USP34: variants seen among roughly 807,000 people sequenced by gnomAD.
USP34 encodes ubiquitin specific peptidase 34.
In USP34, 70 loss-of-function variants were observed where a neutral mutation model predicts 460.3. The observed-to-expected ratio is 0.15, with a 90% CI of 0.13 to 0.19. USP34 has a LOEUF of 0.19. Among genes scored for constraint, USP34 ranks in the 10% least tolerant of loss-of-function variants. USP34 has a pLI of 1.00. For synonymous variants in USP34, 1,647 were observed against 1,405.3 expected (o/e 1.17, Z -3.85); for missense variants, 3,985 against 4,236.2 (o/e 0.94, Z 1.65).
At chr2:61,301,909 A>G (rs989960522) in intron 27 of USP34, among the ~76,000 whole-genome samples, 1 of 151,976 alleles carries the variant, frequency 6.6e-6, no homozygotes, top group African/African-American at 2.4e-5. Context: ...TTAACACCTC[A>G]TATTTGTTAT....
chr2:61,206,466 CTGGAGAATCTTTACAAAGTGCCCAGCTT>C (rs1353496228), intron 71 of USP34, among the ~76,000 whole-genome samples: 3 of 152,170 alleles, frequency 2.0e-5, no homozygotes, highest in Non-Finnish European at 4.4e-5. Context: ...AAGTTTCCAG[CTGGAGAATCTTTACAAAGTGCCCAGCTT>C]GTTACTGTGT....
Position 61,358,154 on chromosome 2 carries a change from G to A in USP34, c.1252-7461C>T, listed in dbSNP as rs548322057. ...CTGCAGTGAACCAAGATTGCACCAC[G>A]GCACTCCAGCCTGGGCAAGACAGAG... On this transcript the variant is annotated intron_variant, in intron 10 of 79. Transcript: ENST00000398571. Among the ~76,000 whole-genome samples, 41 of 151,534 alleles carry A rather than the reference G, an allele frequency of 2.7e-4. 1 individual carries two copies. The highest frequency in any genetic ancestry group is 1.8e-3 in the Admixed American group (27 of 15,184).
intron 10 of USP34, among the ~76,000 whole-genome samples, chr2:61,353,502 A>G (rs1453124435): frequency 6.7e-6 from 1 of 149,840 alleles, no homozygotes; most frequent in Non-Finnish European, 1.5e-5. Flanking sequence ...AGTGATTCTC[A>G]TGCCTCAGCC....
intron 5 of USP34, among the ~76,000 whole-genome samples, chr2:61,394,134 A>G (rs1452090038): frequency 6.6e-6 from 1 of 152,144 alleles, no homozygotes; most frequent in African/African-American, 2.4e-5. Flanking sequence ...AAAATAAATA[A>G]AAGTATCTTT....
At chr2:61,421,633 C>G (rs1487438217) in intron 1 of USP34, among the ~76,000 whole-genome samples, 2 of 152,170 alleles carry the variant, frequency 1.3e-5, no homozygotes, top group Non-Finnish European at 2.9e-5. Context: ...CTAGTGTCTT[C>G]TCTTTAATCC....
chr2:61,280,687 A>G (rs902871879), intron 38 of USP34, among the ~76,000 whole-genome samples: 1 of 152,198 alleles, frequency 6.6e-6, no homozygotes, highest in Non-Finnish European at 1.5e-5. Context: ...GAAGCCTTTT[A>G]AAGACTAGTA....
chr2:61,206,581 G>A (rs1013022977), intron 71 of USP34, among the ~76,000 whole-genome samples, 179 bp downstream of exon 71: 1 of 152,144 alleles, frequency 6.6e-6, no homozygotes, highest in Non-Finnish European at 1.5e-5. Flanking sequence ...ACATAAAAGA[G>A]CCTTCCAGCT....
intron 1 of USP34, among the ~76,000 whole-genome samples, chr2:61,454,312 T>C (rs759158207): frequency 1.2e-4 from 18 of 152,056 alleles, no homozygotes; most frequent in African/African-American, 3.1e-4. Context: ...TTAGTAGAGA[T>C]AGGGTTTTAC....
At chr2:61,434,857 A>G (rs1409333284) in intron 1 of USP34, among the ~76,000 whole-genome samples, 4 of 152,164 alleles carry the variant, frequency 2.6e-5, no homozygotes, top group African/African-American at 9.7e-5. Flanking sequence ...AAACAGTATA[A>G]TTCTCCTGTA....
rs1049656961 is a variant in USP34 at position 61,251,964 on chromosome 2, T to G, written c.6222-3281A>C. On this transcript the variant is annotated intron_variant, in intron 48 of 79. Coordinates refer to ENST00000398571, the MANE Select transcript of USP34 (RefSeq NM_014709.4). ...GTTGTTAAATAAACATTTTAATTTG[T>G]TTAAAAAAAAAAAACAGCAAACACA... is the stretch of plus-strand genomic sequence containing the variant. Among the ~76,000 whole-genome samples the G allele has an allele frequency of 3.3e-5, 5 of 151,608 alleles. No homozygotes were observed. The East Asian group carries it at 9.7e-4, about 29-fold the overall frequency.
chr2:61,257,386 T>TA, intron 44 of USP34, 36 bp from the exon 45 acceptor site: 1 of 1,516,402 alleles, frequency 6.6e-7, no homozygotes, highest in Non-Finnish European at 8.8e-7. Flanking sequence ...AAGTGTCAGA[T>TA]AAAAATAAGA....
chr2:61,315,045 C>A, intron 23 of USP34, 71 bp from the exon 24 acceptor site: 3 of 1,181,814 alleles, frequency 2.5e-6, no homozygotes, highest in South Asian at 1.5e-5. Context: ...ACTGAAGTAT[C>A]AAAAGTAAAA....
At chr2:61,241,009 T>G (rs1688240867) in intron 53 of USP34, among the ~76,000 whole-genome samples, 1 of 152,098 alleles carries the variant, frequency 6.6e-6, no homozygotes, top group Non-Finnish European at 1.5e-5. Flanking sequence ...ACCTCACAAA[T>G]TGTTAAGTCA....
chr2:61,462,861 CAAA>C (rs11302669), intron 1 of USP34, among the ~76,000 whole-genome samples: 14 of 110,042 alleles, frequency 1.3e-4, no homozygotes, highest in Non-Finnish European at 1.1e-4. Context: ...AACTGTTTCC[CAAA>C]AAAAAAAAAA....
chr2:61,228,323 G>A (rs539523396), intron 61 of USP34, among the ~76,000 whole-genome samples: 10 of 152,078 alleles, frequency 6.6e-5, no homozygotes, highest in Non-Finnish European at 1.0e-4. Context: ...TAATAGCAAA[G>A]AACTTAAAAA....
At chr2:61,383,378 G>C in intron 5 of USP34, 42 bp from the exon 6 acceptor site, 1 of 1,370,168 alleles carries the variant, frequency 7.3e-7, no homozygotes, top group Non-Finnish European at 1.0e-6. Context: ...CCTAATATGT[G>C]AAATACATAT....
At chr2:61,446,673 G>A (rs1480960653) in intron 1 of USP34, among the ~76,000 whole-genome samples, 4 of 151,902 alleles carry the variant, frequency 2.6e-5, no homozygotes, top group Non-Finnish European at 5.9e-5. Context: ...GTATGTGCCT[G>A]TAATCTCAGC....
At chr2:61,401,948 G>C (rs187920776) in intron 3 of USP34, among the ~76,000 whole-genome samples, 74 of 151,064 alleles carry the variant, frequency 4.9e-4, no homozygotes, top group African/African-American at 1.7e-3. Context: ...TAATTATTCA[G>C]GATAAAAAAT....
rs899369605 is a variant in USP34, at chr2:61,340,929, A to G, written c.2501-1248T>C. Among the ~76,000 whole-genome samples the G allele has an allele frequency of 1.8e-4, 27 of 150,250 alleles. 1 individual carries two copies. Among genetic ancestry groups the G allele is most frequent in the Middle Eastern group, 3.4e-3 (1 of 292 alleles). ...CGCTTTCATAATTTTATCGAAATAC[A>G]TATATAATCAAGATGGAGAACGTTT... On this transcript the variant is annotated intron_variant, in intron 16 of 79. Coordinates refer to ENST00000398571, the MANE Select transcript of USP34 (RefSeq NM_014709.4).
Sources: allele counts gnomAD v4.1 joint callset (sites outside exome capture counted in the v4.1 genomes callset), GRCh38; gene constraint gnomAD v4.1.1; transcripts MANE v1.5; gene names NCBI Gene and HGNC (gene_info 2026-07-23, HGNC 2026-07-21).